Variants in DDAH1 observed in about 807,000 individuals in gnomAD.
DDAH1 encodes the protein dimethylarginine dimethylaminohydrolase 1, also known as N(G),N(G)-dimethylarginine dimethylaminohydrolase 1.
A neutral mutation model predicts 28.8 loss-of-function variants in DDAH1; 19 were observed. That is an observed-to-expected ratio of 0.66 (90% CI 0.46 to 0.97). DDAH1 has a LOEUF of 0.97. Ranked by LOEUF, DDAH1 falls within the 50% of genes least tolerant of loss-of-function variation. The pLI is 0.00. For synonymous variants in DDAH1, 153 were observed against 154.4 expected (o/e 0.99, Z 0.07); for missense variants, 326 against 375.9 (o/e 0.87, Z 1.10).
intron 2 of DDAH1, among the ~76,000 whole-genome samples, chr1:85,483,671 G>T (rs1358031842): frequency 6.6e-6 from 1 of 152,082 alleles, no homozygotes; most frequent in Non-Finnish European, 1.5e-5. Context: ...CATCAATTTT[G>T]GCCACCAAAT....
intron 1 of DDAH1, among the ~76,000 whole-genome samples, chr1:85,426,368 G>A (rs1432076724): frequency 6.6e-6 from 1 of 152,138 alleles, no homozygotes; most frequent in Non-Finnish European, 1.5e-5. Flanking sequence ...ACTATCAAGA[G>A]CTCCACAGAC....
At chr1:85,338,991 G>A (rs1226671143) in intron 4 of DDAH1, among the ~76,000 whole-genome samples, 2 of 149,832 alleles carry the variant, frequency 1.3e-5, no homozygotes, top group East Asian at 3.9e-4. Context: ...AGGTTGCCGT[G>A]AGCTAAGATC....
At chr1:85,387,371 C>T (rs1464369791) in intron 1 of DDAH1, among the ~76,000 whole-genome samples, 1 of 152,200 alleles carries the variant, frequency 6.6e-6, no homozygotes, top group East Asian at 1.9e-4. Context: ...TTCTTGAGTG[C>T]TTTGCTGCTT....
At chr1:85,515,263 T>TA (rs1468664222) in intron 1 of DDAH1, among the ~76,000 whole-genome samples, 1 of 149,330 alleles carries the variant, frequency 6.7e-6, no homozygotes, top group East Asian at 2.0e-4. Context: ...TTAGACATTT[T>TA]AAAAGAAGCA....
At chr1:85,381,515 C>T (rs1650991325) in intron 1 of DDAH1, among the ~76,000 whole-genome samples, 1 of 151,254 alleles carries the variant, frequency 6.6e-6, no homozygotes, top group South Asian at 2.1e-4. Flanking sequence ...CCCCCAGAGT[C>T]CCCAAGTCCA....
At chr1:85,518,663 C>T (rs1476208297) in intron 1 of DDAH1, among the ~76,000 whole-genome samples, 1 of 152,154 alleles carries the variant, frequency 6.6e-6, no homozygotes, top group South Asian at 2.1e-4. Context: ...ATTGGGTGCA[C>T]CTAGATAGTC....
intron 2 of DDAH1, among the ~76,000 whole-genome samples, chr1:85,475,333 G>A (rs769900575): frequency 6.6e-6 from 1 of 152,192 alleles, no homozygotes; most frequent in Non-Finnish European, 1.5e-5. Flanking sequence ...GAGGAGAAGG[G>A]GGAGGAGGAG....
At chr1:85,574,260 A>C (rs1444205250) in intron 1 of DDAH1, among the ~76,000 whole-genome samples, 1 of 152,238 alleles carries the variant, frequency 6.6e-6, no homozygotes, top group African/African-American at 2.4e-5. Context: ...TGAATCCTGC[A>C]GGCACTTGAG....
intron 4 of DDAH1, among the ~76,000 whole-genome samples, chr1:85,337,543 T>C (rs1429508726): frequency 2.0e-5 from 3 of 151,874 alleles, no homozygotes; most frequent in South Asian, 4.2e-4. Context: ...AACTTCTGCC[T>C]CCTGGGTTCA....
intron 1 of DDAH1, among the ~76,000 whole-genome samples, chr1:85,499,574 C>G (rs907772362): frequency 6.6e-6 from 1 of 151,880 alleles, no homozygotes; most frequent in African/African-American, 2.4e-5. Context: ...ACTTGGGAGG[C>G]TGAGGCAGGA....
intron 2 of DDAH1, among the ~76,000 whole-genome samples, chr1:85,486,739 A>G (rs1656218207): frequency 6.6e-6 from 1 of 152,206 alleles, no homozygotes; most frequent in Non-Finnish European, 1.5e-5. Flanking sequence ...TTTAATTTGG[A>G]AAAGCATCAT....
chr1:85,570,573 C>T (rs963240632), intron 1 of DDAH1, among the ~76,000 whole-genome samples: 2 of 152,192 alleles, frequency 1.3e-5, no homozygotes, highest in Non-Finnish European at 2.9e-5. Context: ...TTTAATTATA[C>T]TGCACCATTT....
chr1:85,498,557 C>G (rs1656679756), intron 1 of DDAH1, among the ~76,000 whole-genome samples: 1 of 152,104 alleles, frequency 6.6e-6, no homozygotes, highest in African/African-American at 2.4e-5. Context: ...ATTTCAGTCC[C>G]TAGATAGCCC....
chr1:85,344,313 C>T (rs188548930), intron 4 of DDAH1, among the ~76,000 whole-genome samples: 170 of 152,186 alleles, frequency 1.1e-3, no homozygotes, highest in Admixed American at 1.6e-3. Context: ...CATAAATATA[C>T]ACAAATGTAA....
intron 1 of DDAH1, among the ~76,000 whole-genome samples, chr1:85,500,478 C>T (rs1345902394): frequency 6.6e-6 from 1 of 152,068 alleles, no homozygotes; most frequent in Non-Finnish European, 1.5e-5. Flanking sequence ...CCTCATACTG[C>T]TATTAAAACT....
chr1:85,339,756 A>G lies in DDAH1; in HGVS notation c.597+10659T>C, dbSNP rs76082458. Among the ~76,000 whole-genome samples, 956 of 152,318 alleles carry G rather than the reference A, an allele frequency of 6.3e-3. 6 individuals are homozygous for G. The highest frequency in any genetic ancestry group is 0.014 in the Middle Eastern group (4 of 294). ...CCCTATGCTTTATTAACCTTCAGCC[A>G]AGCAATAGGATACTTATCAACACCT... On this transcript the variant is annotated intron_variant, in intron 4 of 5. Coordinates refer to ENST00000284031, the MANE Select transcript of DDAH1 (RefSeq NM_012137.4).
At chr1:85,324,983 T>C (rs1182611518) in intron 4 of DDAH1, 100 bp from the exon 5 acceptor site, 21 of 1,389,274 alleles carry the variant, frequency 1.5e-5, no homozygotes, top group South Asian at 2.8e-5. Flanking sequence ...ACTGACACTT[T>C]AGGCTGTTCC....
At chr1:85,562,791 C>A (rs1266596150) in intron 1 of DDAH1, among the ~76,000 whole-genome samples, 1 of 152,166 alleles carries the variant, frequency 6.6e-6, no homozygotes. Context: ...GCCTCCAGAA[C>A]TGTGAAAGAA....
intron 1 of DDAH1, among the ~76,000 whole-genome samples, chr1:85,371,856 T>G (rs1650401288): frequency 6.6e-6 from 1 of 152,188 alleles, no homozygotes; most frequent in African/African-American, 2.4e-5. Flanking sequence ...TTAAAAATAT[T>G]GTATTTGCTA....
Sources: allele counts gnomAD v4.1 joint callset (sites outside exome capture counted in the v4.1 genomes callset), GRCh38; gene constraint gnomAD v4.1.1; transcripts MANE v1.5; gene names NCBI Gene and HGNC (gene_info 2026-07-23, HGNC 2026-07-21).